GPC6: variants seen among roughly 807,000 people sequenced by gnomAD.
The protein encoded by GPC6 is glypican-6.
Under a neutral mutation model 55.2 loss-of-function variants are expected in GPC6, and 14 were observed. The observed-to-expected ratio is 0.25, with a 90% CI of 0.17 to 0.40. The LOEUF is 0.40. Among genes scored for constraint, GPC6 ranks in the 10% least tolerant of loss-of-function variants. The pLI, the probability that GPC6 is intolerant of heterozygous loss-of-function variation, is 1.00. For synonymous variants in GPC6, 278 were observed against 259.6 expected (o/e 1.07, Z -0.68); for missense variants, 641 against 708.5 (o/e 0.90, Z 1.08).
intron 1 of GPC6, among the ~76,000 whole-genome samples, chr13:93,407,676 A>G (rs2139240612): frequency 6.6e-6 from 1 of 152,278 alleles, no homozygotes; most frequent in East Asian, 1.9e-4. Flanking sequence ...CCTGTATGTT[A>G]TGTGGCATTA....
At chr13:93,349,775 C>G (rs7982050) in intron 1 of GPC6, among the ~76,000 whole-genome samples, 45,354 of 151,888 alleles carry the variant, frequency 0.3, 7,723 homozygotes, top group East Asian at 0.79. Flanking sequence ...TTTAATTTTT[C>G]CATCCTTATA....
chr13:93,994,297 C>A (rs1361123), intron 3 of GPC6, among the ~76,000 whole-genome samples: 149,336 of 152,282 alleles, frequency 0.98, 73,299 homozygotes, highest in East Asian at 1. Flanking sequence ...CTGGGAATAG[C>A]ATTACATCTA....
At chr13:94,102,457 A>G (rs1450806459) in intron 4 of GPC6, among the ~76,000 whole-genome samples, 1 of 150,152 alleles carries the variant, frequency 6.7e-6, no homozygotes, top group Non-Finnish European at 1.5e-5. Flanking sequence ...TTTCCTTCCC[A>G]AGGCTTTCTG....
At chr13:93,389,666 C>T (rs1177456830) in intron 1 of GPC6, among the ~76,000 whole-genome samples, 1 of 148,784 alleles carries the variant, frequency 6.7e-6, no homozygotes, top group Non-Finnish European at 1.5e-5. Context: ...AATATGTACA[C>T]GTTTATATAT....
chr13:93,515,539 A>G (rs976715916), intron 1 of GPC6, among the ~76,000 whole-genome samples: 1 of 152,198 alleles, frequency 6.6e-6, no homozygotes, highest in African/African-American at 2.4e-5. Flanking sequence ...CAAATTATTT[A>G]AATTTTGTGA....
chr13:93,293,131 C>T (rs962283749), intron 1 of GPC6, among the ~76,000 whole-genome samples: 1 of 152,066 alleles, frequency 6.6e-6, no homozygotes, highest in East Asian at 1.9e-4. Flanking sequence ...TACAGGCACA[C>T]ACCACCATCT....
intron 1 of GPC6, among the ~76,000 whole-genome samples, chr13:93,431,951 T>C (rs181207231): frequency 3.3e-5 from 5 of 152,252 alleles, no homozygotes; most frequent in Non-Finnish European, 5.9e-5. Context: ...TACTGTTTGG[T>C]AAAGTCAGTT....
intron 3 of GPC6, among the ~76,000 whole-genome samples, chr13:93,885,804 A>G (rs1222526973): frequency 6.6e-6 from 1 of 152,214 alleles, no homozygotes; most frequent in Non-Finnish European, 1.5e-5. Flanking sequence ...CTCTTTATAT[A>G]AATTTCAGAT....
chr13:93,655,003 ATTTTTT>A (rs3884231), intron 2 of GPC6, among the ~76,000 whole-genome samples: 7 of 104,756 alleles, frequency 6.7e-5, no homozygotes, highest in African/African-American at 7.4e-5. Flanking sequence ...TGCCCGGCTA[ATTTTTT>A]TTTTTTTTTT....
At chr13:93,764,307 A>G (rs1254120436) in intron 2 of GPC6, among the ~76,000 whole-genome samples, 1 of 144,336 alleles carries the variant, frequency 6.9e-6, no homozygotes, top group African/African-American at 2.8e-5. Context: ...ATTTTTAGGA[A>G]GTGATGTGTT....
intron 4 of GPC6, among the ~76,000 whole-genome samples, chr13:94,244,163 CA>C (rs1374983330): frequency 1.3e-5 from 2 of 151,852 alleles, no homozygotes; most frequent in Admixed American, 6.6e-5. Flanking sequence ...TATTGTGTGC[CA>C]GGGGGCAAAG....
At chr13:93,256,617 GGCTTTCATTT>G (rs2139035386) in intron 1 of GPC6, among the ~76,000 whole-genome samples, 1 of 152,208 alleles carries the variant, frequency 6.6e-6, no homozygotes, top group Non-Finnish European at 1.5e-5. Context: ...CAATGACCTA[GGCTTTCATTT>G]GATTCCTAGA....
At chr13:93,366,003 A>G (rs1881233685) in intron 1 of GPC6, among the ~76,000 whole-genome samples, 1 of 152,104 alleles carries the variant, frequency 6.6e-6, no homozygotes, top group Non-Finnish European at 1.5e-5. Flanking sequence ...TATTTTTACT[A>G]AGGTTTGGTA....
intron 1 of GPC6, among the ~76,000 whole-genome samples, chr13:93,499,444 T>C (rs1396000185): frequency 6.6e-6 from 1 of 152,212 alleles, no homozygotes; most frequent in Non-Finnish European, 1.5e-5. Flanking sequence ...CCATTTTTCA[T>C]ATTGGCATTC....
intron 3 of GPC6, among the ~76,000 whole-genome samples, chr13:93,840,552 GT>G (rs1252608785): frequency 1.2e-5 from 1 of 84,712 alleles, no homozygotes; most frequent in Non-Finnish European, 2.3e-5. Context: ...GATTGATTTT[GT>G]TGATATGTTG....
At chr13:93,944,353 G>A (rs1389456550) in intron 3 of GPC6, among the ~76,000 whole-genome samples, 1 of 151,898 alleles carries the variant, frequency 6.6e-6, no homozygotes, top group Non-Finnish European at 1.5e-5. Flanking sequence ...ACAGGCGCCC[G>A]CCACCATGCC....
At chr13:93,354,355 T>TTTTTTTTG (rs1405743707) in intron 1 of GPC6, among the ~76,000 whole-genome samples, 11 of 110,724 alleles carry the variant, frequency 9.9e-5, no homozygotes, top group East Asian at 5.9e-4. Context: ...GTAGATTTTT[T>TTTTTTTTG]TTTTTTTTTT....
chr13:94,358,286 CAA>C (rs572937217), intron 6 of GPC6, among the ~76,000 whole-genome samples: 65 of 63,886 alleles, frequency 1.0e-3, no homozygotes, highest in Admixed American at 1.7e-3. Context: ...AAGACTCCGT[CAA>C]AAAAAAAAAA....
chr13:94,214,632 A>C (rs1467774905), intron 4 of GPC6, among the ~76,000 whole-genome samples: 1 of 152,126 alleles, frequency 6.6e-6, no homozygotes, highest in Non-Finnish European at 1.5e-5. Context: ...ATCTATTTAC[A>C]TGGATTGGAA....
Sources: allele counts gnomAD v4.1 joint callset (sites outside exome capture counted in the v4.1 genomes callset), GRCh38; gene constraint gnomAD v4.1.1; transcripts MANE v1.5; gene names NCBI Gene and HGNC (gene_info 2026-07-23, HGNC 2026-07-21).